The following SGK3 variants were observed in gnomAD, a reference collection of about 807,000 sequenced individuals.
The protein encoded by SGK3 is serum/glucocorticoid regulated kinase family member 3, also known as serine/threonine-protein kinase Sgk3.
Under a neutral mutation model 68.5 loss-of-function variants are expected in SGK3, and 47 were observed. The ratio of observed to expected loss-of-function variants is 0.69; its 90% CI spans 0.54 to 0.87. The LOEUF (loss-of-function observed/expected upper bound fraction) is 0.87. SGK3 is among the 40% of genes least tolerant of loss of function. The probability of loss-of-function intolerance (pLI) is 0.00; values close to 1 mark genes in which losing one functional copy is unlikely to be tolerated. For missense variants in SGK3, 479 were observed against 575.5 expected (o/e 0.83, Z 1.72); for synonymous variants, 181 against 189.1 (o/e 0.96, Z 0.35).
chr8:66,816,724 C>G (rs1808598546), intron 5 of SGK3, among the ~76,000 whole-genome samples: 1 of 152,130 alleles, frequency 6.6e-6, no homozygotes, highest in African/African-American at 2.4e-5. Context: ...TCAAGCTGTT[C>G]TTAAGACAGT....
At chr8:66,742,509 G>T (rs1805512661) in intron 1 of SGK3, among the ~76,000 whole-genome samples, 2 of 152,084 alleles carry the variant, frequency 1.3e-5, no homozygotes, top group African/African-American at 4.8e-5. Context: ...TGGGACTACA[G>T]ATGTATGCCA....
At chr8:66,733,830 T>C (rs1216883006) in intron 1 of SGK3, among the ~76,000 whole-genome samples, 1 of 152,214 alleles carries the variant, frequency 6.6e-6, no homozygotes, top group Non-Finnish European at 1.5e-5. Context: ...AGATTCTTTA[T>C]AGCATTATCT....
At chr8:66,754,527 A>G (rs189566535) in intron 1 of SGK3, among the ~76,000 whole-genome samples, 1 of 152,318 alleles carries the variant, frequency 6.6e-6, no homozygotes, top group Non-Finnish European at 1.5e-5. Context: ...GTATTTACAG[A>G]TTTTGGAATA....
chr8:66,783,796 G>T (rs1034203786), intron 1 of SGK3, among the ~76,000 whole-genome samples: 1 of 152,176 alleles, frequency 6.6e-6, no homozygotes, highest in Non-Finnish European at 1.5e-5. Flanking sequence ...CAAGTGAGGG[G>T]ATTAAAGGCC....
chr8:66,833,083 G>T (rs1221694739), intron 8 of SGK3, among the ~76,000 whole-genome samples: 1 of 151,638 alleles, frequency 6.6e-6, no homozygotes, highest in Admixed American at 6.6e-5. Flanking sequence ...TCCGCTCACT[G>T]CAACCTCTGC....
intron 2 of SGK3, among the ~76,000 whole-genome samples, chr8:66,797,465 C>T (rs983251335): frequency 2.0e-5 from 3 of 152,146 alleles, no homozygotes; most frequent in Non-Finnish European, 2.9e-5. Flanking sequence ...GATTCCTTCT[C>T]GGTTAAGACC....
Position 66,836,047 on chromosome 8 carries a change from T to G in SGK3, c.714T>G (p.Phe238Leu), listed in dbSNP as rs1417089611. Residue 238 changes from phenylalanine to leucine, a missense_variant, in exon 10 of 17, where the codon TTT becomes TTG. Physicochemically the swap from Phe to Leu is conservative, Grantham distance 22 (BLOSUM62 0). Around this residue, in one of 3 missense-constraint regions of SGK3, gnomAD observed 298 missense variants for 329.4 expected, o/e 0.90. Transcript: ENST00000521198. ...TCCAAACAACTGAAAAGCTTTATTTTGTTCTGGATTTTGTTAATGGAGGGG... is the reference window on the plus strand; with the variant it reads ...TCCAAACAACTGAAAAGCTTTATTTGGTTCTGGATTTTGTTAATGGAGGGG... The part of the protein sequence containing the change: ...YSFQTTEKLY[F>L]VLDFVNGGEL... 1.5e-5 allele frequency: 24 copies of G among 1,613,232 alleles called. No homozygotes were observed. Among genetic ancestry groups the G allele is most frequent in the Non-Finnish European group, 1.9e-5 (23 of 1,179,684 alleles).
intron 1 of SGK3, among the ~76,000 whole-genome samples, chr8:66,734,817 C>T (rs1805270966): frequency 1.3e-5 from 2 of 151,844 alleles, no homozygotes; most frequent in South Asian, 4.2e-4. Context: ...CGTGGTGGCG[C>T]ACACCTGTAA....
intron 1 of SGK3, among the ~76,000 whole-genome samples, chr8:66,788,931 A>G (rs542479093): frequency 6.6e-6 from 1 of 152,294 alleles, no homozygotes; most frequent in Admixed American, 6.5e-5. Context: ...GGCTGTCAAG[A>G]TGATCAAGGA....
intron 4 of SGK3, 45 bp from the exon 5 acceptor site, chr8:66,813,808 A>T (rs762499601): frequency 6.7e-7 from 1 of 1,481,638 alleles, no homozygotes; most frequent in Non-Finnish European, 9.0e-7. Context: ...TGATAATTGC[A>T]TAGTCTGACA....
intron 3 of SGK3, 121 bp downstream of exon 3, chr8:66,798,746 A>G: frequency 4.8e-6 from 4 of 834,236 alleles, no homozygotes; most frequent in Non-Finnish European, 5.3e-6. Context: ...ACAGGCAGAC[A>G]AAGGTAAGAG....
intron 1 of SGK3, among the ~76,000 whole-genome samples, chr8:66,791,252 G>A (rs368252013): frequency 2.6e-5 from 4 of 152,320 alleles, no homozygotes; most frequent in African/African-American, 7.2e-5. Flanking sequence ...ATTTGTTAGT[G>A]ACTCTCATGG....
At chr8:66,721,389 A>C (rs1386829784) in intron 1 of SGK3, among the ~76,000 whole-genome samples, 1 of 152,186 alleles carries the variant, frequency 6.6e-6, no homozygotes, top group African/African-American at 2.4e-5. Context: ...TCTTGCATTA[A>C]GAAAAGTTCT....
chr8:66,836,263 G>C (rs1410164190), intron 10 of SGK3, among the ~76,000 whole-genome samples, 189 bp downstream of exon 10: 2 of 152,174 alleles, frequency 1.3e-5, no homozygotes, highest in African/African-American at 4.8e-5. Context: ...TGGTATAGTT[G>C]AGAAGGTTCA....
At chr8:66,741,747 T>C (rs1393334933) in intron 1 of SGK3, among the ~76,000 whole-genome samples, 2 of 152,154 alleles carry the variant, frequency 1.3e-5, no homozygotes, top group African/African-American at 4.8e-5. Flanking sequence ...TATATGTTGG[T>C]GCACTAAACA....
chr8:66,731,335 C>A (rs943993702), intron 1 of SGK3, among the ~76,000 whole-genome samples: 1 of 152,010 alleles, frequency 6.6e-6, no homozygotes, highest in African/African-American at 2.4e-5. Flanking sequence ...CCTTGTTGAT[C>A]TTCTGTCTAG....
chr8:66,747,495 G>A (rs1805687027), intron 1 of SGK3, among the ~76,000 whole-genome samples: 1 of 152,172 alleles, frequency 6.6e-6, no homozygotes, highest in Non-Finnish European at 1.5e-5. Context: ...CCAAGATCTG[G>A]TATGGTGCCA....
At chr8:66,815,937 C>T (rs1423477196) in intron 5 of SGK3, among the ~76,000 whole-genome samples, 1 of 152,134 alleles carries the variant, frequency 6.6e-6, no homozygotes, top group Non-Finnish European at 1.5e-5. Flanking sequence ...ACCCTGTAAC[C>T]ATCACCATTC....
At chr8:66,776,103 C>G (rs1806701271) in intron 1 of SGK3, among the ~76,000 whole-genome samples, 1 of 152,204 alleles carries the variant, frequency 6.6e-6, no homozygotes, top group Non-Finnish European at 1.5e-5. Context: ...TATATTCTTT[C>G]CTCAGAGCTG....
Sources: gnomAD v4.1 joint callset for allele counts (sites outside exome capture counted in the v4.1 genomes callset) on GRCh38, gnomAD v4.1.1 for gene constraint, gnomAD v4.1.1 regional missense constraint, MANE v1.5 for transcripts, NCBI Gene and HGNC (gene_info 2026-07-23, HGNC 2026-07-21) for gene names.